The following F8 variants were observed in gnomAD, a reference collection of about 807,000 sequenced individuals.
F8 encodes the protein antihemophilic factor.
In F8, 12 loss-of-function variants were observed where a neutral mutation model predicts 140.6. The observed-to-expected ratio is 0.09, with a 90% CI of 0.05 to 0.14. F8 has a LOEUF of 0.14. Ranked by LOEUF, F8 falls within the 10% of genes least tolerant of loss-of-function variation. The pLI, the probability that F8 is intolerant of heterozygous loss-of-function variation, is 1.00. For missense variants in F8, 1,354 were observed against 1,720.7 expected (o/e 0.79, Z 3.77); for synonymous variants, 585 against 614.6 (o/e 0.95, Z 0.71).
At chrX:154,966,911 C>A (rs1486406435) in intron 7 of F8, among the ~76,000 whole-genome samples, 2 of 110,149 alleles carry the variant, frequency 1.8e-5, no homozygotes, top group Admixed American at 9.7e-5. Context: ...ATGGTGAAAG[C>A]AGGAGCAAGA....
intron 16 of F8, 39 bp downstream of exon 16, chrX:154,904,772 T>C (rs2073029095): frequency 8.7e-7 from 1 of 1,153,358 alleles, no homozygotes; most frequent in African/African-American, 1.8e-5. Context: ...CCATTTCTTT[T>C]AAACCAAAAA....
In F8 at chrX:154,929,533, T is replaced by C. The variant is rs1557278463; in HGVS notation, c.4257A>G (p.Arg1419=). 2 of 1,210,191 alleles carry C rather than the reference T, an allele frequency of 1.7e-6. No homozygotes were observed. The highest frequency in any genetic ancestry group is 2.3e-4 in the Middle Eastern group (1 of 4,353). ...ATAGGACCCTGGTCAGATATATAGG[T>C]CTAATAGATGGAAATGATGATACCT... ...IAKVSSFPSI[R]PIYLTRVLFQ... is the part of the protein sequence containing the mutation. Residue 1419 remains arginine, a synonymous_variant, in exon 14 of 26, where the codon AGA becomes AGG. Coordinates refer to ENST00000360256, the MANE Select transcript of F8 (RefSeq NM_000132.4).
At chrX:154,896,506 T>TACACACAC (rs57253105) in intron 21 of F8, among the ~76,000 whole-genome samples, 1 of 99,003 alleles carries the variant, frequency 1.0e-5, no homozygotes, top group Admixed American at 1.1e-4. Context: ...CCCCATTTCG[T>TACACACAC]ACACACACAC....
chrX:154,864,771 A>C (rs1156384343), intron 22 of F8, among the ~76,000 whole-genome samples: 8 of 111,959 alleles, frequency 7.1e-5, no homozygotes, highest in African/African-American at 1.3e-4. Flanking sequence ...AAACTTGAAG[A>C]CAAGTCATTT....
chrX:155,007,605 C>T (rs1244811624), intron 1 of F8, among the ~76,000 whole-genome samples: 1 of 112,393 alleles, frequency 8.9e-6, no homozygotes, highest in East Asian at 2.8e-4. Flanking sequence ...CTCCCCATCA[C>T]TTGCATTACC....
chrX:154,900,727 C>A (rs1176917431), intron 20 of F8, among the ~76,000 whole-genome samples: 2 of 111,549 alleles, frequency 1.8e-5, no homozygotes, highest in Non-Finnish European at 3.8e-5. Flanking sequence ...GGTTGGCAAA[C>A]TTTTTCTGTA....
intron 14 of F8, among the ~76,000 whole-genome samples, chrX:154,921,790 A>G (rs1352787301): frequency 9.1e-6 from 1 of 109,367 alleles, no homozygotes; most frequent in African/African-American, 3.3e-5. Flanking sequence ...CAAAAAACCA[A>G]ACACTGTATG....
intron 13 of F8, among the ~76,000 whole-genome samples, chrX:154,936,149 G>A (rs1390603897): frequency 1.8e-5 from 2 of 111,089 alleles, no homozygotes; most frequent in Non-Finnish European, 3.8e-5. Context: ...AAACAATGGA[G>A]CGGCATTTTT....
At chrX:154,879,361 T>C (rs1557274275) in intron 22 of F8, among the ~76,000 whole-genome samples, 3 of 111,696 alleles carry the variant, frequency 2.7e-5, no homozygotes, top group Non-Finnish European at 5.6e-5. Flanking sequence ...GGTATGTACC[T>C]CAAATATGGA....
At chrX:154,979,925 G>A (rs1258349844) in intron 6 of F8, among the ~76,000 whole-genome samples, 8 of 111,523 alleles carry the variant, frequency 7.2e-5, no homozygotes, top group African/African-American at 2.3e-4. Context: ...GGAATAAGGC[G>A]CTCTCCTGTG....
chrX:154,859,526 T>C (rs1350567687), intron 25 of F8, among the ~76,000 whole-genome samples: 1 of 110,495 alleles, frequency 9.1e-6, no homozygotes, highest in African/African-American at 3.3e-5. Flanking sequence ...ATGGTCTCAA[T>C]TTACCGACCT....
intron 22 of F8, among the ~76,000 whole-genome samples, chrX:154,865,731 A>T (rs2072727263): frequency 9.6e-6 from 1 of 104,186 alleles, no homozygotes; most frequent in Non-Finnish European, 2.0e-5. Flanking sequence ...GAAGATAAAG[A>T]GAAAAGAATC....
intron 1 of F8, among the ~76,000 whole-genome samples, chrX:155,002,006 C>A (rs1311830704): frequency 8.9e-6 from 1 of 112,432 alleles, no homozygotes; most frequent in Non-Finnish European, 1.9e-5. Flanking sequence ...TAACTCTCAC[C>A]TCCTCCAGTC....
At chrX:154,911,623 T>A (rs2124011432) in intron 14 of F8, among the ~76,000 whole-genome samples, 1 of 112,100 alleles carries the variant, frequency 8.9e-6, no homozygotes, top group South Asian at 3.7e-4. Flanking sequence ...ATACTTAGGT[T>A]GATTTTATAT....
chrX:154,957,566 A>G (rs782176959), intron 10 of F8, among the ~76,000 whole-genome samples: 1 of 111,472 alleles, frequency 9.0e-6, no homozygotes. Flanking sequence ...TGAAGATACA[A>G]TCTAAATCAA....
In F8 at chrX:154,863,097, C is replaced by A; in HGVS notation, c.6560G>T (p.Gly2187Val). 8.3e-7 allele frequency: 1 copy of A among 1,211,079 alleles called. No homozygotes were observed. The highest frequency in any genetic ancestry group is 1.8e-5 in the South Asian group (1 of 56,971). The stretch of plus-strand genomic sequence containing the variant: ...TTGGCACTTACTATTTAAATCACAG[C>A]CCATCAACTCCATGCGAAGAGTGCT... ...IRSTLRMELM[G>V]CDLNSCSMPL... The change falls in exon 23 of 26, where the codon GGC (glycine) becomes GTC (valine). Residue 2187 changes from glycine to valine, a missense_variant. This residue lies in a region of F8 where 316 missense variants were observed against 485.4 expected (regional missense o/e 0.65). Coordinates refer to ENST00000360256, the MANE Select transcript of F8 (RefSeq NM_000132.4).
intron 10 of F8, among the ~76,000 whole-genome samples, chrX:154,959,401 G>T (rs1334092275): frequency 1.8e-5 from 2 of 110,720 alleles, no homozygotes; most frequent in Non-Finnish European, 3.8e-5. Flanking sequence ...AAAAATAAAA[G>T]ATTTGGATAG....
At chrX:154,965,503 C>T (rs2073418714) in intron 9 of F8, among the ~76,000 whole-genome samples, 1 of 111,673 alleles carries the variant, frequency 9.0e-6, no homozygotes, top group Non-Finnish European at 1.9e-5. Flanking sequence ...AGTAAGTACT[C>T]TAAAATTTGT....
At chrX:154,839,658 A>C (rs888922207) in intron 25 of F8, among the ~76,000 whole-genome samples, 1 of 111,423 alleles carries the variant, frequency 9.0e-6, no homozygotes, top group Non-Finnish European at 1.9e-5. Context: ...GGTCTTCCTC[A>C]TTATTCCTCT....
Sources: gnomAD v4.1 joint callset for allele counts (sites outside exome capture counted in the v4.1 genomes callset) on GRCh38, gnomAD v4.1.1 for gene constraint, gnomAD v4.1.1 regional missense constraint, MANE v1.5 for transcripts, NCBI Gene and HGNC (gene_info 2026-07-23, HGNC 2026-07-21) for gene names.